PIGK: variants seen among roughly 807,000 people sequenced by gnomAD.
PIGK encodes the protein phosphatidylinositol glycan anchor biosynthesis class K.
Under a neutral mutation model 50.6 loss-of-function variants are expected in PIGK, and 42 were observed. The ratio of observed to expected loss-of-function variants is 0.83; its 90% CI spans 0.65 to 1.07. PIGK has a LOEUF of 1.07. PIGK is among the 50% of genes least tolerant of loss of function. The pLI, the probability that PIGK is intolerant of heterozygous loss-of-function variation, is 0.00. For missense variants in PIGK, 448 were observed against 488.7 expected (o/e 0.92, Z 0.78); for synonymous variants, 151 against 156.0 (o/e 0.97, Z 0.24).
At chr1:77,217,330 A>C (rs2100592609) in intron 1 of PIGK, among the ~76,000 whole-genome samples, 1 of 152,344 alleles carries the variant, frequency 6.6e-6, no homozygotes, top group Admixed American at 6.5e-5. Flanking sequence ...TTAAAATCCA[A>C]AAGATGAAGA....
At chr1:77,194,338 A>G (rs541355479) in intron 3 of PIGK, among the ~76,000 whole-genome samples, 1 of 152,132 alleles carries the variant, frequency 6.6e-6, no homozygotes, top group East Asian at 1.9e-4. Flanking sequence ...TCAAAGGAAT[A>G]TAAGTCATTC....
chr1:77,216,537 T>C (rs550011831), intron 1 of PIGK, among the ~76,000 whole-genome samples: 2 of 152,264 alleles, frequency 1.3e-5, no homozygotes, highest in African/African-American at 2.4e-5. Context: ...GAAACTATAA[T>C]GGGTTGTCTA....
In PIGK at chr1:77,154,512, C is replaced by T. The variant is rs915990166; in HGVS notation, c.923G>A (p.Arg308Gln). The T allele has an allele frequency of 1.2e-5, 19 of 1,611,584 alleles. No homozygotes were observed. The highest frequency in any genetic ancestry group is 2.2e-5 in the East Asian group (1 of 44,848). ...VLITDFFGSVRKVEITTETIK... is the reference protein window; with the variant it reads ...VLITDFFGSVQKVEITTETIK... ...AGTCTCTGTTGTAATTTCCACTTTC[C>T]GTACACTTCCAAAGAAATCAGTTAT... Residue 308 changes from arginine (R) to glutamine (Q), a missense_variant, in exon 9 of 11, where the codon CGG (arginine) becomes CAG (glutamine). Physicochemically the swap from Arg to Gln is conservative, Grantham distance 43. Transcript: ENST00000370812.
Position 77,161,317 on chromosome 1 carries a change from C to T in PIGK, c.791G>A (p.Ser264Asn). The T allele has an allele frequency of 1.9e-6, 3 of 1,568,836 alleles. No homozygotes were observed. The highest frequency in any genetic ancestry group is 2.6e-6 in the Non-Finnish European group (3 of 1,139,100). Residue 264 changes from serine to asparagine, a missense_variant, in exon 8 of 11, where the codon AGC becomes AAC. Transcript: ENST00000370812. ...LEFLEEINPASQTNMNDLFQV... is the reference protein window; with the variant it reads ...LEFLEEINPANQTNMNDLFQV... ...TACAAGGTCATTCATATTAGTTTGG[C>T]TAGCTGGGTTAATTTCTTCCAAAAA...
intron 9 of PIGK, among the ~76,000 whole-genome samples, chr1:77,123,605 G>T (rs1425018353): frequency 6.6e-6 from 1 of 152,002 alleles, no homozygotes; most frequent in African/African-American, 2.4e-5. Flanking sequence ...GAGACAGAAA[G>T]CAGAATGGTG....
chr1:77,189,237 G>A (rs1655828394), intron 3 of PIGK, among the ~76,000 whole-genome samples: 2 of 152,236 alleles, frequency 1.3e-5, no homozygotes, highest in Non-Finnish European at 2.9e-5. Flanking sequence ...ATGTTTTTAG[G>A]CAAAAGACTT....
chr1:77,095,796 G>T (rs931029058), intron 10 of PIGK, among the ~76,000 whole-genome samples: 3 of 151,976 alleles, frequency 2.0e-5, no homozygotes, highest in Non-Finnish European at 4.4e-5. Context: ...ATTTAGAGTG[G>T]TCTAAGAACC....
rs369037070 is a variant in PIGK, at chr1:77,161,629, G to A, written c.667C>T (p.Leu223=). 5.7e-6 allele frequency: 9 copies of A among 1,566,080 alleles called. No individual in the cohort carries two copies. Among genetic ancestry groups the A allele is most frequent in the Non-Finnish European group, 7.9e-6 (9 of 1,136,372 alleles). ...ERFYSPNIMA[L]ASSQVGEDSL... ...TCTTCTCCCACTTGACTACTAGCTA[G>A]AGCCATTATGTTAGGAGAATAAAAT... Residue 223 remains leucine (L), a synonymous_variant, in exon 7 of 11, where the codon CTA becomes TTA. Transcript: ENST00000370812.
chr1:77,163,949 T>A lies in PIGK; in HGVS notation c.488-7A>T. 1 of 1,517,530 alleles carries A rather than the reference T, an allele frequency of 6.6e-7. No individual in the cohort carries two copies. The allele number at this position is 1,517,530 out of a possible 1,614,324, so 94.0% of individuals were successfully genotyped here. ...AAACCATTTCCACCATGCCCTTGTATAAAGAGTAAAAAAGATCAATAGATT... is the reference window on the plus strand; with the variant it reads ...AAACCATTTCCACCATGCCCTTGTAAAAAGAGTAAAAAAGATCAATAGATT... On this transcript the variant is annotated splice_polypyrimidine_tract_variant and splice_region_variant and intron_variant, in intron 5 of 10. Transcript: ENST00000370812.
rs185359085 is a variant in PIGK, at chr1:77,114,580, T to C, written c.1071+7695A>G. ...GAAAAGGGATGTAATGACAAATTTGTAGGTGGACCAAAAATTTTCAAACTT... is the reference window on the plus strand; with the variant it reads ...GAAAAGGGATGTAATGACAAATTTGCAGGTGGACCAAAAATTTTCAAACTT... On this transcript the variant is annotated intron_variant, in intron 10 of 10. Transcript: ENST00000370812. Among the ~76,000 whole-genome samples, 5 of 152,252 alleles carry C rather than the reference T, an allele frequency of 3.3e-5. No homozygotes were observed. The East Asian group carries it at 9.6e-4, about 29-fold the overall frequency.
At chr1:77,145,148 G>A (rs546785278) in intron 9 of PIGK, among the ~76,000 whole-genome samples, 13 of 151,868 alleles carry the variant, frequency 8.6e-5, no homozygotes, top group African/African-American at 2.7e-4. Flanking sequence ...AATTTTACCC[G>A]AATCTCAAAG....
chr1:77,196,806 A>C (rs1409976297), intron 3 of PIGK, among the ~76,000 whole-genome samples: 1 of 152,110 alleles, frequency 6.6e-6, no homozygotes, highest in East Asian at 1.9e-4. Context: ...TCCTGTGCAA[A>C]AGCTCTTTAT....
chr1:77,213,564 CAG>C (rs1656473215), intron 1 of PIGK, among the ~76,000 whole-genome samples: 1 of 151,892 alleles, frequency 6.6e-6, no homozygotes, highest in Non-Finnish European at 1.5e-5. Context: ...TACAGCAAAA[CAG>C]TACTAAAAGG....
chr1:77,163,815 A>C (rs761942768), intron 6 of PIGK, 31 bp downstream of exon 6: 1 of 1,224,832 alleles, frequency 8.2e-7, no homozygotes, highest in South Asian at 1.2e-5. Context: ...GTATGAATAT[A>C]GCTTATGAAA....
At chr1:77,215,476 G>A (rs1656537786) in intron 1 of PIGK, among the ~76,000 whole-genome samples, 1 of 152,162 alleles carries the variant, frequency 6.6e-6, no homozygotes, top group Non-Finnish European at 1.5e-5. Context: ...TGGTGGGAAT[G>A]TAAATTAGTA....
At chr1:77,179,641 G>A (rs1486950677) in intron 3 of PIGK, among the ~76,000 whole-genome samples, 15 of 151,844 alleles carry the variant, frequency 9.9e-5, no homozygotes, top group Admixed American at 9.8e-4. Flanking sequence ...CTGCACTGGA[G>A]TCTCTCAGAA....
chr1:77,167,863 T>C (rs1655269208), intron 4 of PIGK, among the ~76,000 whole-genome samples: 1 of 152,226 alleles, frequency 6.6e-6, no homozygotes, highest in Non-Finnish European at 1.5e-5. Flanking sequence ...TCTGTACAAC[T>C]ACTTAGTCAA....
At position 77,203,105 on chromosome 1, in the gene PIGK, G is replaced by T. The variant is rs919852658; in HGVS notation, c.239+3535C>A. 3.3e-5 allele frequency among the ~76,000 whole-genome samples: 5 copies of T among 152,116 alleles called. No homozygotes were observed. The East Asian group carries it at 7.7e-4, about 23-fold the overall frequency. ...CCACTTTATTCACTGTGCAAACGAA[G>T]AAAATAGTAATAGCACTGGAGGAAA... On this transcript the variant is annotated intron_variant, in intron 3 of 10. Transcript: ENST00000370812.
At chr1:77,182,962 A>G (rs1183471916) in intron 3 of PIGK, among the ~76,000 whole-genome samples, 1 of 152,180 alleles carries the variant, frequency 6.6e-6, no homozygotes, top group Non-Finnish European at 1.5e-5. Context: ...GTGATAAAAA[A>G]ATGATGAACT....
Sources: allele counts gnomAD v4.1 joint callset (sites outside exome capture counted in the v4.1 genomes callset), GRCh38; gene constraint gnomAD v4.1.1; transcripts MANE v1.5; gene names NCBI Gene and HGNC (gene_info 2026-07-23, HGNC 2026-07-21).